MARCHF1: variants seen among roughly 807,000 people sequenced by gnomAD.
The protein encoded by MARCHF1 is E3 ubiquitin-protein ligase MARCHF1.
MARCHF1 carries 40 observed loss-of-function variants against 54.2 expected under a neutral mutation model. The observed-to-expected ratio is 0.74, with a 90% CI of 0.57 to 0.96. The LOEUF is 0.96. Ranked by LOEUF, MARCHF1 falls within the 40% of genes least tolerant of loss-of-function variation. The pLI is 0.00. For missense variants in MARCHF1, 586 were observed against 656.5 expected (o/e 0.89, Z 1.17); for synonymous variants, 236 against 236.3 (o/e 1.00, Z 0.01).
intron 8 of MARCHF1, among the ~76,000 whole-genome samples, chr4:163,583,318 T>C (rs1459886665): frequency 2.0e-5 from 3 of 152,210 alleles, no homozygotes; most frequent in Non-Finnish European, 2.9e-5. Flanking sequence ...AATAATTACA[T>C]GTTGAAATGT....
chr4:163,552,446 G>C (rs1467473211), intron 8 of MARCHF1, among the ~76,000 whole-genome samples: 1 of 152,196 alleles, frequency 6.6e-6, no homozygotes, highest in African/African-American at 2.4e-5. Flanking sequence ...GTAATTGGCA[G>C]TCTTACTGAA....
intron 3 of MARCHF1, among the ~76,000 whole-genome samples, chr4:163,929,576 C>T (rs951160701): frequency 2.6e-5 from 4 of 151,728 alleles, no homozygotes; most frequent in Admixed American, 1.3e-4. Context: ...GCTTAAAAAT[C>T]GTGCCAACTG....
intron 2 of MARCHF1, among the ~76,000 whole-genome samples, chr4:164,023,118 G>A (rs1442676638): frequency 3.9e-5 from 6 of 152,200 alleles, no homozygotes; most frequent in Non-Finnish European, 8.8e-5. Context: ...AGAGGGGTGA[G>A]GCACATGGGT....
At chr4:164,244,908 G>T (rs1732893839) in intron 1 of MARCHF1, among the ~76,000 whole-genome samples, 1 of 151,900 alleles carries the variant, frequency 6.6e-6, no homozygotes. Flanking sequence ...ACTAAACCAG[G>T]AAGAAGTTGA....
intron 4 of MARCHF1, among the ~76,000 whole-genome samples, chr4:163,716,696 T>C (rs1745268809): frequency 6.6e-6 from 1 of 152,192 alleles, no homozygotes; most frequent in Admixed American, 6.5e-5. Context: ...AGTGGGCAGC[T>C]GGCAGGGTTG....
At chr4:163,967,690 C>A (rs986973368) in intron 3 of MARCHF1, among the ~76,000 whole-genome samples, 2 of 152,046 alleles carry the variant, frequency 1.3e-5, no homozygotes, top group East Asian at 3.9e-4. Context: ...CTATCTATAT[C>A]GATATCTATT....
At position 164,003,601 on chromosome 4, in the gene MARCHF1, C is replaced by T. The variant is rs1474899601; in HGVS notation, c.-247-14892G>A. Among the ~76,000 whole-genome samples the T allele has an allele frequency of 2.6e-5, 4 of 152,080 alleles. No individual in the cohort carries two copies. In the East Asian group the frequency reaches 5.8e-4, roughly 22 times the overall value. On this transcript the variant is annotated intron_variant, in intron 2 of 9. Coordinates refer to ENST00000514618, the MANE Select transcript of MARCHF1 (RefSeq NM_001394959.1). ...CTAAAATAATGAGGTACCATCTCAC[C>T]AGTCAGAATGGCAGTTATTAAAAAG...
chr4:164,178,039 C>A (rs566098705), intron 1 of MARCHF1, among the ~76,000 whole-genome samples: 1 of 152,268 alleles, frequency 6.6e-6, no homozygotes, highest in African/African-American at 2.4e-5. Context: ...TAACAGAGTA[C>A]TGATGTGCAG....
chr4:164,175,478 G>C (rs533089233), intron 1 of MARCHF1, among the ~76,000 whole-genome samples: 5 of 152,172 alleles, frequency 3.3e-5, no homozygotes, highest in African/African-American at 1.2e-4. Context: ...ATTCCATTAT[G>C]ATAGTTAATT....
At chr4:164,018,299 A>G (rs1753589732) in intron 2 of MARCHF1, among the ~76,000 whole-genome samples, 2 of 152,070 alleles carry the variant, frequency 1.3e-5, no homozygotes, top group South Asian at 4.1e-4. Flanking sequence ...CTTTATTCAA[A>G]TAACAACTAC....
intron 4 of MARCHF1, among the ~76,000 whole-genome samples, chr4:163,755,013 C>G (rs893611069): frequency 2.6e-5 from 4 of 152,080 alleles, no homozygotes; most frequent in African/African-American, 4.8e-5. Context: ...GATGATTTTG[C>G]CCCCAAGGGG....
At chr4:163,646,044 G>A (rs2111052191) in intron 5 of MARCHF1, among the ~76,000 whole-genome samples, 1 of 150,750 alleles carries the variant, frequency 6.6e-6, no homozygotes, top group East Asian at 1.9e-4. Context: ...GTCTAAACAA[G>A]TTCAATCCAA....
intron 1 of MARCHF1, among the ~76,000 whole-genome samples, chr4:164,314,456 C>T (rs1316231502): frequency 6.6e-6 from 1 of 152,160 alleles, no homozygotes; most frequent in Non-Finnish European, 1.5e-5. Flanking sequence ...GTACATAAGT[C>T]ATTGACTCTT....
intron 4 of MARCHF1, among the ~76,000 whole-genome samples, chr4:163,793,767 T>C (rs1399156381): frequency 6.6e-6 from 1 of 152,208 alleles, no homozygotes; most frequent in Non-Finnish European, 1.5e-5. Context: ...TGTTCTGTTC[T>C]GTTCTAATTA....
At chr4:163,943,168 T>C (rs1364063984) in intron 3 of MARCHF1, among the ~76,000 whole-genome samples, 2 of 152,220 alleles carry the variant, frequency 1.3e-5, no homozygotes, top group African/African-American at 2.4e-5. Context: ...TGATAATTTC[T>C]TTTGCTGTGT....
intron 4 of MARCHF1, among the ~76,000 whole-genome samples, chr4:163,731,942 C>G (rs1404553425): frequency 6.6e-6 from 1 of 152,060 alleles, no homozygotes; most frequent in Non-Finnish European, 1.5e-5. Flanking sequence ...CAACCAACAA[C>G]AAGATCCCAG....
chr4:164,335,074 T>C (rs1406992687), intron 1 of MARCHF1, among the ~76,000 whole-genome samples: 1 of 152,210 alleles, frequency 6.6e-6, no homozygotes, highest in East Asian at 1.9e-4. Flanking sequence ...TAAAATCTAT[T>C]CCTGGTGAAG....
At chr4:164,037,418 G>A (rs1318965392) in intron 2 of MARCHF1, among the ~76,000 whole-genome samples, 1 of 152,068 alleles carries the variant, frequency 6.6e-6, no homozygotes, top group Non-Finnish European at 1.5e-5. Flanking sequence ...ATGAAAAAGT[G>A]AACTGATAAG....
chr4:163,837,473 A>G (rs991873398), intron 4 of MARCHF1, among the ~76,000 whole-genome samples: 4 of 152,188 alleles, frequency 2.6e-5, no homozygotes, highest in African/African-American at 9.6e-5. Flanking sequence ...ACAGAGAAAA[A>G]TGTGTTAACA....
Sources: gnomAD v4.1 joint callset for allele counts (sites outside exome capture counted in the v4.1 genomes callset) on GRCh38, gnomAD v4.1.1 for gene constraint, MANE v1.5 for transcripts, NCBI Gene and HGNC (gene_info 2026-07-23, HGNC 2026-07-21) for gene names.